The following RASGEF1A variants were observed in gnomAD, a reference collection of about 807,000 sequenced individuals.
RASGEF1A encodes RasGEF domain family member 1A.
A neutral mutation model predicts 56.4 loss-of-function variants in RASGEF1A; 18 were observed. That is an observed-to-expected ratio of 0.32 (90% CI 0.22 to 0.47). The LOEUF (loss-of-function observed/expected upper bound fraction) is 0.47. Among genes scored for constraint, RASGEF1A ranks in the 20% least tolerant of loss-of-function variants. The pLI is 1.00. For synonymous variants in RASGEF1A, 245 were observed against 242.6 expected (o/e 1.01, Z -0.09); for missense variants, 422 against 627.1 (o/e 0.67, Z 3.49).
Position 43,196,212 on chromosome 10 carries a change from T to G in RASGEF1A, c.*32A>C. 6.2e-7 allele frequency: 1 copy of G among 1,610,658 alleles called. No homozygotes were observed. Among genetic ancestry groups the G allele is most frequent in the East Asian group, 2.2e-5 (1 of 44,782 alleles). The stretch of plus-strand genomic sequence containing the variant: ...AAAATTTAAACCCAGTTAGTGCACG[T>G]GCTTCCTCTGGCGTCGCGGGCTGCA... On this transcript the variant is annotated 3_prime_UTR_variant, in exon 13 of 13. Transcript: ENST00000395810. This position sits in a 1 kb window ranked among gnomAD's most constrained non-coding sequence, Gnocchi z 4.6.
At chr10:43,260,657 G>A (rs376716663) in intron 1 of RASGEF1A, among the ~76,000 whole-genome samples, 13 of 152,144 alleles carry the variant, frequency 8.5e-5, no homozygotes, top group East Asian at 1.9e-4. Context: ...CCACTGTCCC[G>A]CCCCCTCCCA....
At chr10:43,197,225 A>G (rs1839812699) in intron 10 of RASGEF1A, 126 bp from the exon 11 acceptor site, 2 of 1,143,584 alleles carry the variant, frequency 1.7e-6, no homozygotes, top group African/African-American at 1.5e-5. Flanking sequence ...AAGATGGGAC[A>G]GTGGCCCTGC....
chr10:43,212,677 A>G (rs575199888), intron 1 of RASGEF1A, among the ~76,000 whole-genome samples: 50 of 152,352 alleles, frequency 3.3e-4, no homozygotes, highest in African/African-American at 1.1e-3. Context: ...GTGCAAGTGA[A>G]CACTGCTCCT....
intron 1 of RASGEF1A, among the ~76,000 whole-genome samples, chr10:43,238,086 C>T (rs1246976705): frequency 1.4e-5 from 1 of 72,954 alleles, no homozygotes; most frequent in Non-Finnish European, 2.6e-5. Context: ...TGAGACCCGC[C>T]TTTGGGGGGC....
intron 1 of RASGEF1A, among the ~76,000 whole-genome samples, chr10:43,230,630 T>G (rs1443288029): frequency 6.6e-6 from 1 of 152,170 alleles, no homozygotes; most frequent in Non-Finnish European, 1.5e-5. Flanking sequence ...TATGCTCAGC[T>G]TGAACCTCAC....
In RASGEF1A at chr10:43,199,171, G is replaced by A; in HGVS notation, c.873C>T (p.Thr291=). Reference sequence around the variant, plus strand: ...CATCAATGAAGAACTCCAACATGCGGGTCCGGTGTTTCTTCTTCACCACCT... The same window carrying A: ...CATCAATGAAGAACTCCAACATGCGAGTCCGGTGTTTCTTCTTCACCACCT... ...VCRVVKKKHR[T]RMLEFFIDVA... The change falls in exon 8 of 13, where the codon ACC becomes ACT. Residue 291 remains threonine, a synonymous_variant. Transcript: ENST00000395810. 6.2e-7 allele frequency: 1 copy of A among 1,612,366 alleles called. No homozygotes were observed. Among genetic ancestry groups the A allele is most frequent in the Non-Finnish European group, 8.5e-7 (1 of 1,179,258 alleles).
chr10:43,231,671 T>C (rs1303463825), intron 1 of RASGEF1A, among the ~76,000 whole-genome samples: 1 of 152,290 alleles, frequency 6.6e-6, no homozygotes, highest in Non-Finnish European at 1.5e-5. Context: ...CAGATGGTGC[T>C]GTCTCCTTTA....
In RASGEF1A at chr10:43,265,234, A is replaced by G. The variant is rs1488422901; in HGVS notation, c.-7+1611T>C. Among the ~76,000 whole-genome samples, 3 of 152,236 alleles carry G rather than the reference A, an allele frequency of 2.0e-5. No individual in the cohort carries two copies. In the East Asian group the frequency reaches 5.8e-4, roughly 29 times the overall value. On this transcript the variant is annotated intron_variant, in intron 1 of 12. Coordinates refer to ENST00000395810, the MANE Select transcript of RASGEF1A (RefSeq NM_145313.4). The stretch of plus-strand genomic sequence containing the variant: ...CCATTTCCACGATTTGCCAGGTGGA[A>G]GGGAGCCATCCGGCTGGCAGCTCGA...
intron 1 of RASGEF1A, among the ~76,000 whole-genome samples, chr10:43,262,570 G>A (rs759535002): frequency 6.6e-6 from 1 of 152,236 alleles, no homozygotes; most frequent in South Asian, 2.1e-4. Flanking sequence ...CACCTCCCAC[G>A]GATGTTCGCT....
chr10:43,199,341 G>T (rs1024763317), intron 7 of RASGEF1A, 147 bp from the exon 8 acceptor site: 4 of 686,552 alleles, frequency 5.8e-6, no homozygotes, highest in East Asian at 5.4e-5. Context: ...GCTGCGTCTG[G>T]GAGGTCCAGA....
chr10:43,208,554 G>C (rs370411595), intron 1 of RASGEF1A: 2 of 985,574 alleles, frequency 2.0e-6, no homozygotes, highest in African/African-American at 3.5e-5. Flanking sequence ...TTCTGCACAT[G>C]CTCAGAATCC....
At chr10:43,223,586 C>G (rs1840236041) in intron 1 of RASGEF1A, among the ~76,000 whole-genome samples, 1 of 152,104 alleles carries the variant, frequency 6.6e-6, no homozygotes, top group Non-Finnish European at 1.5e-5. Context: ...AACAGTGAAA[C>G]AAACTGGAAG....
At chr10:43,210,457 G>A (rs1006155716) in intron 1 of RASGEF1A, among the ~76,000 whole-genome samples, 3 of 152,212 alleles carry the variant, frequency 2.0e-5, no homozygotes, top group African/African-American at 7.2e-5. Flanking sequence ...CTGGGCAATG[G>A]AGCCAGACCC....
At chr10:43,243,956 G>C (rs1361115845) in intron 1 of RASGEF1A, among the ~76,000 whole-genome samples, 1 of 152,170 alleles carries the variant, frequency 6.6e-6, no homozygotes, top group Non-Finnish European at 1.5e-5. Context: ...AGGGGGAAAT[G>C]TGGGGAAAAG....
intron 1 of RASGEF1A, among the ~76,000 whole-genome samples, chr10:43,215,736 C>A (rs1350664405): frequency 6.6e-6 from 1 of 152,166 alleles, no homozygotes; most frequent in Non-Finnish European, 1.5e-5. Flanking sequence ...GGTTCTCTGG[C>A]CCCAGAGAGC....
intron 1 of RASGEF1A, among the ~76,000 whole-genome samples, chr10:43,217,786 C>T (rs1300402327): frequency 6.6e-6 from 1 of 152,354 alleles, no homozygotes; most frequent in African/African-American, 2.4e-5. Context: ...CCACCTCCTA[C>T]TCCCTGACCC....
At chr10:43,249,987 G>A (rs1284632848) in intron 1 of RASGEF1A, among the ~76,000 whole-genome samples, 1 of 152,170 alleles carries the variant, frequency 6.6e-6, no homozygotes, top group African/African-American at 2.4e-5. Flanking sequence ...TGGGGAGAGG[G>A]CACAGTGCTC....
chr10:43,214,035 C>T (rs765583136), intron 1 of RASGEF1A, among the ~76,000 whole-genome samples: 12 of 152,290 alleles, frequency 7.9e-5, no homozygotes, highest in Middle Eastern at 3.4e-3. Context: ...ATGCGCTCCT[C>T]GGGAGGGGCA....
Position 43,229,595 on chromosome 10 carries a change from C to T in RASGEF1A, c.-6-23473G>A, listed in dbSNP as rs996943455. On this transcript the variant is annotated intron_variant, in intron 1 of 12. Coordinates refer to ENST00000395810, the MANE Select transcript of RASGEF1A (RefSeq NM_145313.4). ...CCTCCCGAGCCCGACAGCGCAAGAA[C>T]CCTGCCCCGCGGCCTTGCGCCTGGG... 5.5e-6 allele frequency: 8 copies of T among 1,461,574 alleles called. No homozygotes were observed. In the African/African-American group the frequency reaches 1.2e-4, roughly 22 times the overall value. The allele number at this position is 1,461,574 out of a possible 1,614,324, so 90.5% of individuals were successfully genotyped here. A position where few individuals can be genotyped will look rare whatever the true frequency, so the allele number is the denominator to read the frequency against.
Sources: allele counts gnomAD v4.1 joint callset (sites outside exome capture counted in the v4.1 genomes callset), GRCh38; gene constraint gnomAD v4.1.1; non-coding constraint Gnocchi (gnomAD v3.1); transcripts MANE v1.5; gene names NCBI Gene and HGNC (gene_info 2026-07-23, HGNC 2026-07-21).